IQGAP2: variants seen among roughly 807,000 people sequenced by gnomAD.
The protein encoded by IQGAP2 is IQ motif containing GTPase activating protein 2, also known as ras GTPase-activating-like protein IQGAP2.
In IQGAP2, 173 loss-of-function variants were observed where a neutral mutation model predicts 201.3. That is an observed-to-expected ratio of 0.86 (90% CI 0.76 to 0.98). IQGAP2 has a LOEUF of 0.98. IQGAP2 is among the 50% of genes least tolerant of loss of function. IQGAP2 has a pLI of 0.00. For missense variants in IQGAP2, 1,687 were observed against 1,864.8 expected (o/e 0.90, Z 1.76); for synonymous variants, 675 against 673.9 (o/e 1.00, Z -0.03).
chr5:76,438,031 G>GTTTTTTT (rs1561371555), intron 1 of IQGAP2, among the ~76,000 whole-genome samples: 1 of 54,614 alleles, frequency 1.8e-5, no homozygotes, highest in Admixed American at 2.2e-4. Context: ...TTTTTTTTTT[G>GTTTTTTT]TTTGTTTTTT....
Position 76,586,804 on chromosome 5 carries a change from C to T in IQGAP2, c.459-2102C>T, listed in dbSNP as rs527315933. Among the ~76,000 whole-genome samples the T allele has an allele frequency of 9.9e-5, 15 of 152,274 alleles. No individual in the cohort carries two copies. In the South Asian group the frequency reaches 1.5e-3, roughly 15 times the overall value. The stretch of plus-strand genomic sequence containing the variant: ...GGTGTTGCTCTTCAGTGGGAGCCTG[C>T]GTGACACTCCACTTAGTTGTCCATA... On this transcript the variant is annotated intron_variant, in intron 5 of 35. Transcript: ENST00000274364.
intron 17 of IQGAP2, among the ~76,000 whole-genome samples, chr5:76,649,495 G>A (rs754040265): frequency 6.6e-6 from 1 of 152,174 alleles, no homozygotes. Flanking sequence ...AGAAAGGATA[G>A]CTAGAAGAAT....
chr5:76,520,854 C>T (rs918058999), intron 2 of IQGAP2, among the ~76,000 whole-genome samples: 3 of 151,946 alleles, frequency 2.0e-5, no homozygotes, highest in South Asian at 2.1e-4. Flanking sequence ...ATTACAGGCA[C>T]ACGCCACCAT....
chr5:76,569,428 A>G (rs1379623286), intron 3 of IQGAP2, among the ~76,000 whole-genome samples: 3 of 105,484 alleles, frequency 2.8e-5, no homozygotes, highest in Non-Finnish European at 5.5e-5. Flanking sequence ...TGTTATGAAC[A>G]CTGCAAAAAA....
At chr5:76,441,652 G>A (rs1320040637) in intron 1 of IQGAP2, 4 of 264,246 alleles carry the variant, frequency 1.5e-5, no homozygotes, top group Non-Finnish European at 2.3e-5. Flanking sequence ...GATCTCCTAT[G>A]CTGTTAATAC....
chr5:76,654,051 T>C (rs466393), intron 18 of IQGAP2, 149 bp from the exon 19 acceptor site: 283,356 of 552,144 alleles, frequency 0.51, 75,523 homozygotes, highest in Non-Finnish European at 0.57. Context: ...GCTTTAGAGA[T>C]TGATTATTCA....
chr5:76,635,702 G>A (rs1751070508), intron 15 of IQGAP2, among the ~76,000 whole-genome samples: 1 of 152,044 alleles, frequency 6.6e-6, no homozygotes, highest in South Asian at 2.1e-4. Flanking sequence ...AAATTAGCCA[G>A]GTGTTGCATG....
At chr5:76,527,688 C>G (rs1029637156) in intron 2 of IQGAP2, among the ~76,000 whole-genome samples, 1 of 152,176 alleles carries the variant, frequency 6.6e-6, no homozygotes, top group Non-Finnish European at 1.5e-5. Flanking sequence ...TCATTGTGAT[C>G]ATTTATAGTG....
intron 35 of IQGAP2, among the ~76,000 whole-genome samples, chr5:76,704,963 T>C (rs936509029): frequency 1.2e-4 from 18 of 152,306 alleles, no homozygotes; most frequent in African/African-American, 4.3e-4. Flanking sequence ...TTCCCTTCAG[T>C]TCCTAAAGAA....
At chr5:76,439,513 T>C (rs1752911727) in intron 1 of IQGAP2, among the ~76,000 whole-genome samples, 1 of 152,352 alleles carries the variant, frequency 6.6e-6, no homozygotes, top group East Asian at 1.9e-4. Context: ...TTTATGAAGC[T>C]GGGAGCTCCA....
chr5:76,636,997 T>G, intron 15 of IQGAP2, 37 bp from the exon 16 acceptor site: 1 of 1,527,322 alleles, frequency 6.5e-7, no homozygotes, highest in Non-Finnish European at 8.9e-7. Flanking sequence ...AAGGGTTCAC[T>G]GTGTCTGTGT....
intron 6 of IQGAP2, among the ~76,000 whole-genome samples, chr5:76,589,190 T>C (rs1746461611): frequency 6.6e-6 from 1 of 151,830 alleles, no homozygotes; most frequent in Admixed American, 6.6e-5. Context: ...GGGGCTCCTG[T>C]AGTCCCAGCT....
chr5:76,543,651 T>C (rs114494845), intron 2 of IQGAP2, among the ~76,000 whole-genome samples: 81 of 152,358 alleles, frequency 5.3e-4, no homozygotes, highest in African/African-American at 1.9e-3. Flanking sequence ...TCCATCAATC[T>C]CTTCTTATCT....
At chr5:76,633,876 C>T (rs1002152269) in intron 15 of IQGAP2, among the ~76,000 whole-genome samples, 2 of 152,176 alleles carry the variant, frequency 1.3e-5, no homozygotes, top group Non-Finnish European at 2.9e-5. Flanking sequence ...TTTTTTGTGG[C>T]TAATATTCCA....
At chr5:76,496,757 C>CTTTCTTTCTTTCT (rs1561416486) in intron 2 of IQGAP2, among the ~76,000 whole-genome samples, 1,332 of 79,236 alleles carry the variant, frequency 0.017, 44 homozygotes, top group East Asian at 0.04. Flanking sequence ...TTCTTTCTTT[C>CTTTCTTTCTTTCT]TTTCTTTCTT....
chr5:76,676,930 A>G (rs1744871154), intron 27 of IQGAP2, among the ~76,000 whole-genome samples: 1 of 152,158 alleles, frequency 6.6e-6, no homozygotes, highest in African/African-American at 2.4e-5. Flanking sequence ...TTAAAATAAC[A>G]TTTTTAAGAT....
intron 17 of IQGAP2, among the ~76,000 whole-genome samples, chr5:76,649,777 C>T (rs996491569): frequency 9.2e-5 from 14 of 152,196 alleles, no homozygotes; most frequent in African/African-American, 3.4e-4. Flanking sequence ...CACTTCTCCT[C>T]CATACTGCCC....
intron 2 of IQGAP2, among the ~76,000 whole-genome samples, chr5:76,551,935 A>G (rs1743579153): frequency 6.6e-6 from 1 of 150,654 alleles, no homozygotes; most frequent in African/African-American, 2.4e-5. Flanking sequence ...AATTTCTTCA[A>G]GGCCCCAGGT....
rs1744221437 is a variant in IQGAP2 at position 76,670,545 on chromosome 5, AG to A, written c.2844-1212del. ...TAAAATAAACAAAACTAGCATTTAA[AG>A]GTGGGAAGAGGAGCACAGCAAAGAA... On this transcript the variant is annotated intron_variant, in intron 23 of 35. Transcript: ENST00000274364. Among the ~76,000 whole-genome samples the A allele has an allele frequency of 5.3e-5, 8 of 152,280 alleles. No individual in the cohort carries two copies. In the South Asian group the frequency reaches 1.7e-3, roughly 32 times the overall value.
Sources: gnomAD v4.1 joint callset for allele counts (sites outside exome capture counted in the v4.1 genomes callset) on GRCh38, gnomAD v4.1.1 for gene constraint, MANE v1.5 for transcripts, NCBI Gene and HGNC (gene_info 2026-07-23, HGNC 2026-07-21) for gene names.